The following HDGF variants were observed in gnomAD, a reference collection of about 807,000 sequenced individuals.
HDGF encodes hepatoma-derived growth factor.
Under a neutral mutation model 30.0 loss-of-function variants are expected in HDGF, and 5 were observed. The ratio of observed to expected loss-of-function variants is 0.17; its 90% CI spans 0.09 to 0.35. The LOEUF (loss-of-function observed/expected upper bound fraction) is 0.35, where lower values mean the gene tolerates loss of function less well. Among genes scored for constraint, HDGF ranks in the 10% least tolerant of loss-of-function variants. HDGF has a pLI of 1.00. For missense variants in HDGF, 214 were observed against 302.8 expected (o/e 0.71, Z 2.18); for synonymous variants, 133 against 112.7 (o/e 1.18, Z -1.14).
chr1:156,755,741 C>G (rs1005291006), upstream of HDGF: 1 of 152,212 alleles, frequency 6.6e-6, no homozygotes, highest in African/African-American at 2.4e-5. Context: ...CCTACTTCCA[C>G]CCACGCCACC....
intron 1 of HDGF, among the ~76,000 whole-genome samples, chr1:156,748,631 TCC>T (rs533734179): frequency 3.3e-4 from 50 of 152,096 alleles, no homozygotes; most frequent in African/African-American, 1.1e-3. Context: ...CCCTCTGAGG[TCC>T]AAAGAGTAAT....
rs1401660530 is a variant in HDGF at position 156,744,160 on chromosome 1, T to C, written c.489+3A>G. ...GCCCAGGCCCTGGGCAGGCAGCAGT[T>C]ACCTCCAGCAAGTCCCCTGCTCTCC... On this transcript the variant is annotated splice_donor_region_variant and intron_variant, in intron 4 of 5. Coordinates refer to ENST00000357325, the MANE Select transcript of HDGF (RefSeq NM_004494.3). 2 of 1,613,384 alleles carry C rather than the reference T, an allele frequency of 1.2e-6. No homozygotes were observed. The highest frequency in any genetic ancestry group is 1.7e-5 in the Admixed American group (1 of 60,002).
intron 1 of HDGF, chr1:156,750,616 C>T (rs903246190): frequency 3.3e-5 from 5 of 152,268 alleles, no homozygotes; most frequent in African/African-American, 7.2e-5. Context: ...TACTGGACTT[C>T]CTAATACCAC....
chr1:156,744,710 A>C (rs1650404009), intron 3 of HDGF: 1 of 571,150 alleles, frequency 1.8e-6, no homozygotes, highest in Non-Finnish European at 2.9e-6. Context: ...TTGTGGAAAG[A>C]GTTAAGGCTG....
chr1:156,743,840 T>C lies in HDGF; in HGVS notation c.528A>G (p.Glu176=). The C allele has an allele frequency of 6.2e-7, 1 of 1,613,344 alleles. No homozygotes were observed. The highest frequency in any genetic ancestry group is 8.5e-7 in the Non-Finnish European group (1 of 1,179,596). ...PKRPKEAENP[E]GEEKEAATLE... Reference sequence around the variant, plus strand: ...AGGTGGCTGCCTCCTTCTCCTCTCCTTCAGGGTTTTCTGCCTCCTTGGGAC... The same window carrying C: ...AGGTGGCTGCCTCCTTCTCCTCTCCCTCAGGGTTTTCTGCCTCCTTGGGAC... The change falls in exon 5 of 6, where the codon GAA becomes GAG. Residue 176 remains glutamate, a synonymous_variant. Coordinates refer to ENST00000357325, the MANE Select transcript of HDGF (RefSeq NM_004494.3).
upstream of HDGF, chr1:156,751,722 C>A (rs962715716): frequency 2.0e-5 from 24 of 1,185,472 alleles, no homozygotes; most frequent in Non-Finnish European, 2.0e-5. This position sits in a 1 kb window ranked among gnomAD's most constrained non-coding sequence, Gnocchi z 4.7. Context: ...CCTCCACCCC[C>A]CGCCCGGTCC....
chr1:156,763,588 CTTT>C (rs1263248247), intron 1 of HDGF, among the ~76,000 whole-genome samples: 4 of 137,198 alleles, frequency 2.9e-5, no homozygotes, highest in African/African-American at 2.7e-5. Context: ...TTACAAATTT[CTTT>C]TTTTTTTTTT....
chr1:156,750,928 G>A (rs927787932), intron 1 of HDGF, among the ~76,000 whole-genome samples: 2 of 151,688 alleles, frequency 1.3e-5, no homozygotes, highest in East Asian at 3.9e-4. Context: ...CAAACTAGGG[G>A]TCTCTAAGGG....
At chr1:156,767,342 A>T (rs1394482067), upstream of HDGF, among the ~76,000 whole-genome samples, 1 of 152,140 alleles carries the variant, frequency 6.6e-6, no homozygotes, top group Non-Finnish European at 1.5e-5. Context: ...TACTCACCCC[A>T]GGTGTCCCTG....
chr1:156,751,771 T>A (rs1571556710), upstream of HDGF: 19 of 828,020 alleles, frequency 2.3e-5, no homozygotes, highest in Middle Eastern at 6.0e-4. This position sits in a 1 kb window ranked among gnomAD's most constrained non-coding sequence, Gnocchi z 4.7. Context: ...CCACTCCTCC[T>A]CCTCCCCCCG....
chr1:156,746,097 T>C (rs568017145), intron 1 of HDGF, among the ~76,000 whole-genome samples: 2 of 152,328 alleles, frequency 1.3e-5, no homozygotes, highest in African/African-American at 2.4e-5. Flanking sequence ...CCGCCATTAC[T>C]TCCTCCAGAA....
intron 1 of HDGF, among the ~76,000 whole-genome samples, chr1:156,746,777 T>C (rs2102711811): frequency 6.6e-6 from 1 of 152,282 alleles, no homozygotes; most frequent in Non-Finnish European, 1.5e-5. Context: ...GCAGCCAGGC[T>C]TCCCGCCGGA....
intron 1 of HDGF, among the ~76,000 whole-genome samples, chr1:156,748,789 G>T (rs536471019): frequency 6.6e-6 from 1 of 152,332 alleles, no homozygotes; most frequent in South Asian, 2.1e-4. Flanking sequence ...CCACACCCAG[G>T]GCTGAGGCCT....
chr1:156,753,570 G>A (rs1651088193), upstream of HDGF, among the ~76,000 whole-genome samples: 1 of 152,170 alleles, frequency 6.6e-6, no homozygotes. Context: ...CTATCTATCT[G>A]AGACAGAATC....
At chr1:156,745,514 T>C (rs990698980) in intron 1 of HDGF, 141 bp from the exon 2 acceptor site, 4 of 642,492 alleles carry the variant, frequency 6.2e-6, no homozygotes, top group Middle Eastern at 6.2e-4. Context: ...TTTTGGGCCA[T>C]TTTTAGCAGT....
chr1:156,750,736 A>C (rs1334711073), intron 1 of HDGF: 2 of 152,260 alleles, frequency 1.3e-5, no homozygotes, highest in Non-Finnish European at 2.9e-5. Flanking sequence ...AGCCAGGTAG[A>C]TCCCCTTACG....
chr1:156,751,271 G>A lies in HDGF; in HGVS notation c.87+72C>T. On this transcript the variant is annotated intron_variant, in intron 1 of 5. Transcript: ENST00000357325. This position sits in a 1 kb window ranked among gnomAD's most constrained non-coding sequence, Gnocchi z 4.7. ...CACCTCTGCCCGCTCCGCGCGGAGC[G>A]CTCGTGCCCTTCCCGGTGTTATGCA... The A allele has an allele frequency of 6.5e-7, 1 of 1,538,494 alleles. No homozygotes were observed.
upstream of HDGF, chr1:156,751,909 C>T: frequency 9.7e-7 from 1 of 1,027,876 alleles, no homozygotes; most frequent in Non-Finnish European, 1.4e-6. This position sits in a 1 kb window ranked among gnomAD's most constrained non-coding sequence, Gnocchi z 4.7. Context: ...GCATAAGGAG[C>T]CGATCGCCGA....
At chr1:156,749,266 T>C (rs564815295) in intron 1 of HDGF, among the ~76,000 whole-genome samples, 1 of 152,332 alleles carries the variant, frequency 6.6e-6, no homozygotes, top group Non-Finnish European at 1.5e-5. Flanking sequence ...TTGGGTTTCC[T>C]ATGAGATGGA....
Sources: allele counts gnomAD v4.1 joint callset (sites outside exome capture counted in the v4.1 genomes callset), GRCh38; gene constraint gnomAD v4.1.1; non-coding constraint Gnocchi (gnomAD v3.1); transcripts MANE v1.5; gene names NCBI Gene and HGNC (gene_info 2026-07-23, HGNC 2026-07-21).